Variants in TRDN observed in about 807,000 individuals in gnomAD.
TRDN encodes the protein triadin in skeletal muscle.
In TRDN, 161 loss-of-function variants were observed where a neutral mutation model predicts 149.7. That is an observed-to-expected ratio of 1.08 (90% CI 0.95 to 1.23). The LOEUF (loss-of-function observed/expected upper bound fraction) is 1.23, where lower values mean the gene tolerates loss of function less well. Among genes scored for constraint, TRDN ranks in the 50% most tolerant of loss-of-function variants. TRDN has a pLI of 0.00. For synonymous variants in TRDN, 294 were observed against 250.5 expected (o/e 1.17, Z -1.64); for missense variants, 896 against 823.5 (o/e 1.09, Z -1.08).
intron 24 of TRDN, among the ~76,000 whole-genome samples, chr6:123,289,374 T>A (rs1026159490): frequency 6.6e-6 from 1 of 151,842 alleles, no homozygotes; most frequent in African/African-American, 2.4e-5. Context: ...GGGTGCAAAG[T>A]TTCAGTTAAA....
Position 123,543,970 on chromosome 6 carries a change from A to C in TRDN, c.424+3370T>G, listed in dbSNP as rs149319718. ...ATATTGAAAATTTTAAATTTCCTCC[A>C]TATTCTGTGATTTCACATCCTGTAA... On this transcript the variant is annotated intron_variant, in intron 4 of 40. Coordinates refer to ENST00000334268, the MANE Select transcript of TRDN (RefSeq NM_006073.4). Among the ~76,000 whole-genome samples the C allele has an allele frequency of 8.5e-5, 13 of 152,164 alleles. No homozygotes were observed. The East Asian group carries it at 2.5e-3, about 29-fold the overall frequency.
At chr6:123,446,583 T>C (rs1185019326) in intron 10 of TRDN, among the ~76,000 whole-genome samples, 1 of 33,608 alleles carries the variant, frequency 3.0e-5, no homozygotes. Context: ...AGATTCCATC[T>C]CAAAAAAAAA....
At chr6:123,610,295 T>A (rs1170616758) in intron 1 of TRDN, among the ~76,000 whole-genome samples, 1 of 152,194 alleles carries the variant, frequency 6.6e-6, no homozygotes, top group Non-Finnish European at 1.5e-5. Context: ...CACTGTGAAT[T>A]TCTTTCTTCC....
chr6:123,443,881 C>T (rs906204707), intron 10 of TRDN, among the ~76,000 whole-genome samples: 58 of 150,906 alleles, frequency 3.8e-4, no homozygotes, highest in Non-Finnish European at 6.2e-4. Context: ...TGATCTATAT[C>T]TCTGTTTTGG....
intron 12 of TRDN, among the ~76,000 whole-genome samples, chr6:123,421,895 G>GC (rs1773920542): frequency 6.6e-6 from 1 of 151,670 alleles, no homozygotes; most frequent in Admixed American, 6.6e-5. Context: ...GACTGCTTGA[G>GC]CCTAGGGGTT....
intron 1 of TRDN, among the ~76,000 whole-genome samples, chr6:123,595,043 C>T (rs1783967578): frequency 6.6e-6 from 1 of 151,664 alleles, no homozygotes; most frequent in Admixed American, 6.6e-5. Context: ...AAATAATGAA[C>T]ATTTTTGAGT....
At chr6:123,497,393 T>G (rs1778495232) in intron 8 of TRDN, 141 bp from the exon 9 acceptor site, 1 of 520,616 alleles carries the variant, frequency 1.9e-6, no homozygotes. Context: ...AAAAATAATT[T>G]GCACTTATAT....
At chr6:123,582,739 T>C (rs979324051) in intron 1 of TRDN, among the ~76,000 whole-genome samples, 1 of 152,188 alleles carries the variant, frequency 6.6e-6, no homozygotes, top group Non-Finnish European at 1.5e-5. Context: ...CTGACATTCC[T>C]GTCTTCTTAT....
chr6:123,263,405 G>A (rs918300157), intron 33 of TRDN, among the ~76,000 whole-genome samples: 4 of 152,038 alleles, frequency 2.6e-5, no homozygotes, highest in African/African-American at 4.8e-5. Context: ...CCTGCGTAAC[G>A]TAAAAGTATA....
At chr6:123,339,985 C>A (rs1458876248) in intron 21 of TRDN, among the ~76,000 whole-genome samples, 1 of 152,112 alleles carries the variant, frequency 6.6e-6, no homozygotes, top group Non-Finnish European at 1.5e-5. Flanking sequence ...AAAAACTATT[C>A]ATTTTGAAAA....
chr6:123,507,664 G>GA (rs1442266575), intron 7 of TRDN, among the ~76,000 whole-genome samples: 3 of 151,902 alleles, frequency 2.0e-5, no homozygotes, highest in African/African-American at 7.3e-5. Flanking sequence ...ATTAAGGAAT[G>GA]AAAAAAACAA....
intron 21 of TRDN, chr6:123,349,762 A>C: frequency 1.0e-6 from 1 of 984,466 alleles, no homozygotes; most frequent in African/African-American, 1.7e-5. Flanking sequence ...AAAGTATGGA[A>C]TAAATCTACA....
chr6:123,540,808 G>A (rs568897118), intron 4 of TRDN, among the ~76,000 whole-genome samples: 74 of 152,264 alleles, frequency 4.9e-4, no homozygotes, highest in African/African-American at 1.7e-3. Flanking sequence ...ATGAGCCACC[G>A]CCAATGTGAG....
At chr6:123,389,975 T>C (rs1307703435) in intron 13 of TRDN, among the ~76,000 whole-genome samples, 1 of 152,168 alleles carries the variant, frequency 6.6e-6, no homozygotes, top group Non-Finnish European at 1.5e-5. Flanking sequence ...GTTGATTCTT[T>C]ACATTGAAAA....
chr6:123,548,816 G>A (rs1008449215), intron 2 of TRDN, among the ~76,000 whole-genome samples: 6 of 151,860 alleles, frequency 4.0e-5, no homozygotes, highest in Non-Finnish European at 7.4e-5. Context: ...GAAAGAAAAT[G>A]CCCTTGGGAA....
chr6:123,505,393 T>C (rs1193512298), intron 7 of TRDN, among the ~76,000 whole-genome samples: 1 of 152,096 alleles, frequency 6.6e-6, no homozygotes, highest in Non-Finnish European at 1.5e-5. Flanking sequence ...TGCCAGATGC[T>C]GGTTAGCTTG....
At chr6:123,239,187 A>G (rs1365741028) in intron 38 of TRDN, among the ~76,000 whole-genome samples, 1 of 152,226 alleles carries the variant, frequency 6.6e-6, no homozygotes, top group Non-Finnish European at 1.5e-5. Flanking sequence ...AAGTCATCAT[A>G]TAAAGATAAA....
At chr6:123,526,598 T>A (rs1779963997) in intron 5 of TRDN, among the ~76,000 whole-genome samples, 1 of 152,116 alleles carries the variant, frequency 6.6e-6, no homozygotes, top group Admixed American at 6.6e-5. Context: ...TGGAATTATA[T>A]CTACTGTGTT....
chr6:123,536,848 C>T (rs1780569853), intron 4 of TRDN, among the ~76,000 whole-genome samples: 1 of 151,982 alleles, frequency 6.6e-6, no homozygotes, highest in Admixed American at 6.6e-5. Flanking sequence ...GGTGACACTG[C>T]ATTTCCGCCT....
Sources: allele counts gnomAD v4.1 joint callset (sites outside exome capture counted in the v4.1 genomes callset), GRCh38; gene constraint gnomAD v4.1.1; transcripts MANE v1.5; gene names NCBI Gene and HGNC (gene_info 2026-07-23, HGNC 2026-07-21).